NPAS1: variants seen among roughly 807,000 people sequenced by gnomAD.
NPAS1 encodes neuronal PAS domain protein 1, also known as neuronal PAS domain-containing protein 1.
A neutral mutation model predicts 49.2 loss-of-function variants in NPAS1; 29 were observed. The ratio of observed to expected loss-of-function variants is 0.59; its 90% CI spans 0.44 to 0.80. NPAS1 has a LOEUF of 0.80. Ranked by LOEUF, NPAS1 falls within the 30% of genes least tolerant of loss-of-function variation. The pLI, the probability that NPAS1 is intolerant of heterozygous loss-of-function variation, is 0.00. For missense variants in NPAS1, 825 were observed against 835.5 expected, an observed-to-expected ratio of 0.99 and a Z score of 0.15; for synonymous variants, 408 against 380.4, an observed-to-expected ratio of 1.07 and a Z score of -0.84.
intron 11 of NPAS1, among the ~76,000 whole-genome samples, chr19:47,044,830 G>A (rs2057057252): frequency 6.6e-6 from 1 of 152,158 alleles, no homozygotes; most frequent in South Asian, 2.1e-4. Context: ...AGGAGTTTGA[G>A]ACCAGTCTGG....
chr19:47,030,167 G>C (rs562621344), intron 3 of NPAS1, among the ~76,000 whole-genome samples: 12 of 152,218 alleles, frequency 7.9e-5, no homozygotes, highest in African/African-American at 2.6e-4. Context: ...GGGATTATAG[G>C]TGCACGCCAC....
rs761009170 is a variant in NPAS1 at position 47,044,338 on chromosome 19, G to C, written c.1313-853G>C. ...TTCTCCTGCCTGGGCCTCCCAAAGT[G>C]CTGGGATTACAGGCATGAGCCACCA... On this transcript the variant is annotated intron_variant, in intron 11 of 11. Coordinates refer to ENST00000602212, the MANE Select transcript of NPAS1 (RefSeq NM_002517.4). Among the ~76,000 whole-genome samples the C allele has an allele frequency of 1.2e-4, 18 of 152,310 alleles. 1 individual carries two copies. The highest frequency in any genetic ancestry group is 1.8e-4 in the Non-Finnish European group (12 of 68,026).
Position 47,021,077 on chromosome 19 carries a change from C to T in NPAS1, c.30C>T (p.Gly10=), listed in dbSNP as rs763991189. The T allele has an allele frequency of 1.2e-6, 2 of 1,604,836 alleles. No individual in the cohort carries two copies. The highest frequency in any genetic ancestry group is 1.7e-6 in the Non-Finnish European group (2 of 1,176,712). The change falls in exon 2 of 12, where the codon GGC becomes GGT. Residue 10 remains glycine (G), a synonymous_variant. Coordinates refer to ENST00000602212, the MANE Select transcript of NPAS1 (RefSeq NM_002517.4). This position sits in a 1 kb window ranked among gnomAD's most constrained non-coding sequence, Gnocchi z 5.7. MAAPYPGSG[G]GSEVKCVGGR... is the part of the protein sequence containing the mutation. Reference sequence around the variant, plus strand: ...CGGCCCCCTATCCCGGCAGTGGCGGCGGAAGCGAGGTCAAATGCGTGGGAG... The same window carrying T: ...CGGCCCCCTATCCCGGCAGTGGCGGTGGAAGCGAGGTCAAATGCGTGGGAG...
At chr19:47,036,405 A>G (rs1043050789) in intron 6 of NPAS1, among the ~76,000 whole-genome samples, 1 of 152,206 alleles carries the variant, frequency 6.6e-6, no homozygotes, top group Non-Finnish European at 1.5e-5. Context: ...GCTTATTGGG[A>G]ATATACACCG....
intron 6 of NPAS1, among the ~76,000 whole-genome samples, chr19:47,038,210 G>A (rs1187709928): frequency 2.0e-5 from 3 of 152,186 alleles, no homozygotes; most frequent in Admixed American, 6.5e-5. Flanking sequence ...GTGGAGGCAC[G>A]TTTGAGCATT....
intron 3 of NPAS1, among the ~76,000 whole-genome samples, chr19:47,031,198 T>G (rs1172834018): frequency 1.6e-3 from 248 of 150,328 alleles, no homozygotes; most frequent in Admixed American, 2.1e-3. Context: ...TGTGTGTTTT[T>G]TTTTTTTTTT....
chr19:47,041,379 T>A (rs2057019946), intron 10 of NPAS1, among the ~76,000 whole-genome samples: 1 of 151,936 alleles, frequency 6.6e-6, no homozygotes, highest in African/African-American at 2.4e-5. Flanking sequence ...GCTCACAGCC[T>A]CCTCAGGCTC....
chr19:47,045,647 A>T lies in NPAS1; in HGVS notation c.1769A>T (p.Asp590Val). ...PAGTRLPRKG[D>V] is the part of the protein sequence containing the mutation. ...GGCACCAGGCTGCCGCGGAAGGGGGACTGAGGACTGGCAGAGCTGCCGGCG... is the reference window on the plus strand; with the variant it reads ...GGCACCAGGCTGCCGCGGAAGGGGGTCTGAGGACTGGCAGAGCTGCCGGCG... Residue 590 changes from aspartate to valine, a missense_variant, in exon 12 of 12, where the codon GAC (aspartate) becomes GTC (valine). Physicochemically the swap from Asp to Val is radical, Grantham distance 152. Coordinates refer to ENST00000602212, the MANE Select transcript of NPAS1 (RefSeq NM_002517.4). The T allele has an allele frequency of 7.1e-7, 1 of 1,416,390 alleles. No individual in the cohort carries two copies. Among genetic ancestry groups the T allele is most frequent in the Non-Finnish European group, 9.1e-7 (1 of 1,096,238 alleles). 87.7% of individuals were successfully genotyped at this position (1,416,390 alleles called of 1,614,324 possible).
chr19:47,038,515 CA>C (rs397859991), intron 6 of NPAS1, among the ~76,000 whole-genome samples: 9,399 of 60,258 alleles, frequency 0.16, 701 homozygotes, highest in African/African-American at 0.35. Context: ...GACTCCAGCT[CA>C]AAAAAAAAAA....
chr19:47,036,128 C>A lies in NPAS1; in HGVS notation c.687C>A (p.Ile229=). The A allele has an allele frequency of 6.4e-7, 1 of 1,556,946 alleles. No individual in the cohort carries two copies. The highest frequency in any genetic ancestry group is 8.7e-7 in the Non-Finnish European group (1 of 1,150,782). ...CTTCGCTTGCAGATACCCCCGAGATCGGTAATTCTAAGGGCTCCTAAAGAA... is the reference window on the plus strand; with the variant it reads ...CTTCGCTTGCAGATACCCCCGAGATAGGTAATTCTAAGGGCTCCTAAAGAA... ...SSSSLADTPE[I]EASLTKVPPS... is the part of the protein sequence containing the mutation. Residue 229 remains isoleucine, a splice_region_variant and synonymous_variant, in exon 6 of 12, where the codon ATC becomes ATA. Transcript: ENST00000602212.
At chr19:47,039,721 G>A (rs890691854) in intron 8 of NPAS1, among the ~76,000 whole-genome samples, 157 bp downstream of exon 8, 3 of 152,144 alleles carry the variant, frequency 2.0e-5, no homozygotes, top group Non-Finnish European at 4.4e-5. Context: ...TGGGGAGAAG[G>A]GAGGGAAGGC....
rs1267330691 is a variant in NPAS1, at chr19:47,039,042, G to T, written c.695G>T (p.Ser232Ile). The T allele has an allele frequency of 1.2e-6, 2 of 1,613,960 alleles. No homozygotes were observed. The highest frequency in any genetic ancestry group is 1.7e-6 in the Non-Finnish European group (2 of 1,179,952). Reference sequence around the variant, plus strand: ...CCTTCACTCTCTGTCCCAGAGGCCAGCCTCACCAAGGTGCCCCCCTCCTCC... The same window carrying T: ...CCTTCACTCTCTGTCCCAGAGGCCATCCTCACCAAGGTGCCCCCCTCCTCC... ...SLADTPEIEASLTKVPPSSLV... is the reference protein window; with the variant it reads ...SLADTPEIEAILTKVPPSSLV... Residue 232 changes from serine (S) to isoleucine (I), a missense_variant, in exon 7 of 12, where the codon AGC (serine) becomes ATC (isoleucine). Ser to Ile is a moderately radical substitution (Grantham distance 142, BLOSUM62 -2). Transcript: ENST00000602212.
Position 47,021,564 on chromosome 19 carries a change from C to G in NPAS1, c.123-48C>G. On this transcript the variant is annotated intron_variant, in intron 2 of 11. Coordinates refer to ENST00000602212, the MANE Select transcript of NPAS1 (RefSeq NM_002517.4). The surrounding 1 kb of genome is among the most constrained non-coding windows in gnomAD (Gnocchi z 5.7). ...GGGGCTCGCCCCCAGTTCCCAAGCC[C>G]CTGAGCCCCGGGGCCCCGCCGACAC... is the stretch of plus-strand genomic sequence containing the variant. The G allele has an allele frequency of 7.5e-7, 1 of 1,328,834 alleles. No individual in the cohort carries two copies. Among genetic ancestry groups the G allele is most frequent in the Non-Finnish European group, 9.9e-7 (1 of 1,008,766 alleles). 82.3% of individuals were successfully genotyped at this position (1,328,834 alleles called of 1,614,324 possible).
At chr19:47,043,023 C>A (rs779935706) in intron 11 of NPAS1, 119 bp downstream of exon 11, 3 of 762,388 alleles carry the variant, frequency 3.9e-6, no homozygotes, top group Non-Finnish European at 1.9e-6. Context: ...AAATTAAAAT[C>A]CAGGCCGGTG....
Position 47,041,096 on chromosome 19 carries a change from C to T in NPAS1, c.1188C>T (p.His396=), listed in dbSNP as rs762784846. ...VAGSGKSPGE[H]HVLWVSHVLS... is the part of the protein sequence containing the mutation. The stretch of plus-strand genomic sequence containing the variant: ...GGAGCGGGAAGAGCCCCGGGGAGCA[C>T]CATGTGCTTTGGGTCAGCCACGTGC... Residue 396 remains histidine (H), a synonymous_variant, in exon 10 of 12, where the codon CAC becomes CAT. Transcript: ENST00000602212. 2.1e-5 allele frequency: 33 copies of T among 1,595,984 alleles called. No individual in the cohort carries two copies. The highest frequency in any genetic ancestry group is 2.8e-5 in the Non-Finnish European group (33 of 1,175,220).
At chr19:47,034,697 C>T (rs995504548) in intron 5 of NPAS1, among the ~76,000 whole-genome samples, 6 of 149,328 alleles carry the variant, frequency 4.0e-5, no homozygotes, top group African/African-American at 9.9e-5. Context: ...GGCAACATGG[C>T]GAAACCCAGT....
chr19:47,032,768 C>A, intron 5 of NPAS1, 36 bp downstream of exon 5: 1 of 1,476,884 alleles, frequency 6.8e-7, no homozygotes, highest in Non-Finnish European at 9.5e-7. Context: ...TTGGCTCAGC[C>A]ACCATCTCCC....
intron 3 of NPAS1, among the ~76,000 whole-genome samples, chr19:47,030,990 A>G (rs1340417250): frequency 6.6e-6 from 1 of 151,788 alleles, no homozygotes; most frequent in African/African-American, 2.4e-5. Context: ...TAGAATCTCT[A>G]TCTCTTTCTA....
chr19:47,036,273 A>C, intron 6 of NPAS1, 144 bp downstream of exon 6: 1 of 929,616 alleles, frequency 1.1e-6, no homozygotes, highest in Non-Finnish European at 1.6e-6. Flanking sequence ...GAATCGGAGT[A>C]TAAATTGAGG....
Sources: gnomAD v4.1 joint callset for allele counts (sites outside exome capture counted in the v4.1 genomes callset) on GRCh38, gnomAD v4.1.1 for gene constraint, Gnocchi (gnomAD v3.1) non-coding constraint, MANE v1.5 for transcripts, NCBI Gene and HGNC (gene_info 2026-07-23, HGNC 2026-07-21) for gene names.